Variants in SLC6A6 observed in about 807,000 individuals in gnomAD.
SLC6A6 encodes solute carrier family 6 member 6.
SLC6A6 carries 16 observed loss-of-function variants against 68.8 expected under a neutral mutation model. The ratio of observed to expected loss-of-function variants is 0.23; its 90% CI spans 0.16 to 0.35. The LOEUF (loss-of-function observed/expected upper bound fraction) is 0.35, where lower values mean the gene tolerates loss of function less well. SLC6A6 is among the 10% of genes least tolerant of loss of function. The probability of loss-of-function intolerance (pLI) is 1.00; values close to 1 mark genes in which losing one functional copy is unlikely to be tolerated. For synonymous variants in SLC6A6, 312 were observed against 315.4 expected, an observed-to-expected ratio of 0.99 and a Z score of 0.12; for missense variants, 474 against 802.8, an observed-to-expected ratio of 0.59 and a Z score of 4.95.
intron 1 of SLC6A6, among the ~76,000 whole-genome samples, chr3:14,407,057 T>C (rs1246917673): frequency 3.8e-5 from 1 of 26,320 alleles, no homozygotes; most frequent in Non-Finnish European, 1.2e-4. Context: ...TTTCTTGTGG[T>C]TTTTTTTTTT....
chr3:14,437,819 A>T (rs1699892582), intron 2 of SLC6A6, among the ~76,000 whole-genome samples: 1 of 150,502 alleles, frequency 6.6e-6, no homozygotes, highest in Non-Finnish European at 1.5e-5. Flanking sequence ...TTATTATTTT[A>T]TTTTATTTTA....
At chr3:14,474,373 G>T (rs1700825095) in intron 10 of SLC6A6, among the ~76,000 whole-genome samples, 1 of 152,156 alleles carries the variant, frequency 6.6e-6, no homozygotes, top group African/African-American at 2.4e-5. Context: ...TGTGTTTGGG[G>T]TGACCACACA....
At chr3:14,445,277 C>T (rs982533926) in intron 3 of SLC6A6, among the ~76,000 whole-genome samples, 126 of 151,694 alleles carry the variant, frequency 8.3e-4, no homozygotes, top group Admixed American at 2.5e-3. Flanking sequence ...AAAAATTAGC[C>T]GGGCGTGGTG....
intron 6 of SLC6A6, among the ~76,000 whole-genome samples, chr3:14,461,618 G>A (rs1012677001): frequency 7.9e-5 from 12 of 152,224 alleles, no homozygotes; most frequent in African/African-American, 2.7e-4. Context: ...GGCCTCCGGA[G>A]CAGCTCTTTT....
At position 14,402,759 on chromosome 3, in the gene SLC6A6, C is replaced by G. The variant is rs951889893; in HGVS notation, c.-142C>G. The G allele has an allele frequency of 5.0e-6, 2 of 398,090 alleles. No individual in the cohort carries two copies. The highest frequency in any genetic ancestry group is 8.9e-6 in the Non-Finnish European group (2 of 225,706). 24.7% of individuals were successfully genotyped at this position (398,090 alleles called of 1,614,324 possible). On this transcript the variant is annotated 5_prime_UTR_variant, in exon 1 of 15. Coordinates refer to ENST00000622186, the MANE Select transcript of SLC6A6 (RefSeq NM_003043.6). The surrounding 1 kb of genome is among the most constrained non-coding windows in gnomAD (Gnocchi z 4.8). ...GAGGGAGTGCGGAGCGTTCACCCAGCGGGTCAGAGAGCGAGCGGGCAGGCA... is the reference window on the plus strand; with the variant it reads ...GAGGGAGTGCGGAGCGTTCACCCAGGGGGTCAGAGAGCGAGCGGGCAGGCA...
In SLC6A6 at chr3:14,481,943, T is replaced by C; in HGVS notation, c.1722+102T>C. ...TCTCAGGCAAGTCACCTGCCCTCTC[T>C]GAGCCATAGTTCCCTCACCCATCCA... is the stretch of plus-strand genomic sequence containing the variant. On this transcript the variant is annotated intron_variant, in intron 14 of 14. Coordinates refer to ENST00000622186, the MANE Select transcript of SLC6A6 (RefSeq NM_003043.6). This position sits in a 1 kb window ranked among gnomAD's most constrained non-coding sequence, Gnocchi z 4.7. 1 of 922,502 alleles carries C rather than the reference T, an allele frequency of 1.1e-6. No homozygotes were observed. The highest frequency in any genetic ancestry group is 2.6e-5 in the East Asian group (1 of 38,590). The allele number at this position is 922,502 out of a possible 1,614,324, so 57.1% of individuals were successfully genotyped here.
chr3:14,476,973 G>C (rs1700893052), intron 10 of SLC6A6, among the ~76,000 whole-genome samples: 1 of 152,238 alleles, frequency 6.6e-6, no homozygotes, highest in South Asian at 2.1e-4. Context: ...GCTCGGTGTG[G>C]ACCACCGAAT....
chr3:14,464,236 G>C (rs1356860150), intron 6 of SLC6A6, among the ~76,000 whole-genome samples: 1 of 152,176 alleles, frequency 6.6e-6, no homozygotes, highest in Non-Finnish European at 1.5e-5. Flanking sequence ...CTGCCCTCTG[G>C]TCTTGGGGAG....
rs59179086 is a variant in SLC6A6, at chr3:14,407,516, T to C, written c.-54+4669T>C. 7.4e-3 allele frequency among the ~76,000 whole-genome samples: 1,123 copies of C among 151,746 alleles called. 11 individuals carry two copies. The highest frequency in any genetic ancestry group is 0.025 in the African/African-American group (1,053 of 41,390). ...CTTTCTCCGTTTTCTTTTTCTTTTT[T>C]TTTTTTTTTGAGACAGAGTCTTATT... On this transcript the variant is annotated intron_variant, in intron 1 of 14. Coordinates refer to ENST00000622186, the MANE Select transcript of SLC6A6 (RefSeq NM_003043.6).
chr3:14,410,160 G>A (rs929682930), intron 1 of SLC6A6, among the ~76,000 whole-genome samples: 1 of 133,896 alleles, frequency 7.5e-6, no homozygotes, highest in African/African-American at 2.9e-5. Context: ...CTATGCGACA[G>A]AGTGAGACTC....
At chr3:14,421,230 G>GAAAA (rs747299302) in intron 2 of SLC6A6, among the ~76,000 whole-genome samples, 3 of 152,290 alleles carry the variant, frequency 2.0e-5, no homozygotes, top group East Asian at 3.9e-4. Context: ...GGGGAGATGA[G>GAAAA]AAAAAGCCGG....
rs768684551 is a variant in SLC6A6 at position 14,477,199 on chromosome 3, C to T, written c.1210-6C>T. ...GCTCACCAGCTCTCTCTCTTCCCCTCCTCAGTTTGTTGAAGTTGAAGGACA... is the reference window on the plus strand; with the variant it reads ...GCTCACCAGCTCTCTCTCTTCCCCTTCTCAGTTTGTTGAAGTTGAAGGACA... On this transcript the variant is annotated splice_polypyrimidine_tract_variant and splice_region_variant and intron_variant, in intron 10 of 14. Coordinates refer to ENST00000622186, the MANE Select transcript of SLC6A6 (RefSeq NM_003043.6). This position sits in a 1 kb window ranked among gnomAD's most constrained non-coding sequence, Gnocchi z 4.2. The T allele has an allele frequency of 6.2e-7, 1 of 1,609,774 alleles. No individual in the cohort carries two copies. Among genetic ancestry groups the T allele is most frequent in the Admixed American group, 1.7e-5 (1 of 59,930 alleles).
At position 14,477,871 on chromosome 3, in the gene SLC6A6, G is replaced by A. The variant is rs1208794449; in HGVS notation, c.1347+529G>A. ...GCGATTTCAGATGCAGACAAGGGAA[G>A]CAAAGAGCAGAAGGGAACGGGAACG... On this transcript the variant is annotated intron_variant, in intron 11 of 14. Coordinates refer to ENST00000622186, the MANE Select transcript of SLC6A6 (RefSeq NM_003043.6). This position sits in a 1 kb window ranked among gnomAD's most constrained non-coding sequence, Gnocchi z 4.2. Among the ~76,000 whole-genome samples, 1 of 152,176 alleles carries A rather than the reference G, an allele frequency of 6.6e-6. No individual in the cohort carries two copies. The highest frequency in any genetic ancestry group is 1.5e-5 in the Non-Finnish European group (1 of 68,026).
intron 10 of SLC6A6, among the ~76,000 whole-genome samples, chr3:14,473,830 A>G (rs1700809342): frequency 6.6e-6 from 1 of 152,240 alleles, no homozygotes; most frequent in South Asian, 2.1e-4. Context: ...AGTGAAAGAA[A>G]AAAACAAAAA....
intron 1 of SLC6A6, among the ~76,000 whole-genome samples, chr3:14,405,575 A>G (rs1288735948): frequency 6.6e-6 from 1 of 152,206 alleles, no homozygotes; most frequent in Non-Finnish European, 1.5e-5. Flanking sequence ...CCTGGCAGGT[A>G]CATGCTGATT....
chr3:14,464,633 A>C (rs1320690446), intron 6 of SLC6A6, among the ~76,000 whole-genome samples: 1 of 152,096 alleles, frequency 6.6e-6, no homozygotes, highest in Non-Finnish European at 1.5e-5. Context: ...TGCTCTGTCG[A>C]GGGTCGTGGT....
intron 2 of SLC6A6, among the ~76,000 whole-genome samples, chr3:14,441,935 C>T (rs1298807532): frequency 6.6e-6 from 1 of 152,230 alleles, no homozygotes. Context: ...TGGTCCTTGT[C>T]CCCAGGAGCC....
At chr3:14,459,221 CA>C (rs1377791173) in intron 6 of SLC6A6, among the ~76,000 whole-genome samples, 3 of 152,162 alleles carry the variant, frequency 2.0e-5, no homozygotes, top group Admixed American at 2.0e-4. Flanking sequence ...AAAAAACCCC[CA>C]AAAGTCAAAG....
Position 14,468,359 on chromosome 3 carries a change from C to T in SLC6A6, c.1096+147C>T, listed in dbSNP as rs987423156. Reference sequence around the variant, plus strand: ...GACCCCCCCCCCGCCACCAAGATATCCCCCAAATTTCAAAGAGTACAAAGC... The same window carrying T: ...GACCCCCCCCCCGCCACCAAGATATTCCCCAAATTTCAAAGAGTACAAAGC... On this transcript the variant is annotated intron_variant, in intron 9 of 14. Transcript: ENST00000622186. This position sits in a 1 kb window ranked among gnomAD's most constrained non-coding sequence, Gnocchi z 4.5. 1 of 716,532 alleles carries T rather than the reference C, an allele frequency of 1.4e-6. No individual in the cohort carries two copies. The highest frequency in any genetic ancestry group is 2.2e-6 in the Non-Finnish European group (1 of 456,400). 44.4% of individuals were successfully genotyped at this position (716,532 alleles called of 1,614,324 possible).
Sources: gnomAD v4.1 joint callset for allele counts (sites outside exome capture counted in the v4.1 genomes callset) on GRCh38, gnomAD v4.1.1 for gene constraint, Gnocchi (gnomAD v3.1) non-coding constraint, MANE v1.5 for transcripts, NCBI Gene and HGNC (gene_info 2026-07-23, HGNC 2026-07-21) for gene names.